Variants in ROBO2 observed in about 807,000 individuals in gnomAD.
ROBO2 encodes roundabout homolog 2.
A neutral mutation model predicts 160.8 loss-of-function variants in ROBO2; 53 were observed. That is an observed-to-expected ratio of 0.33 (90% CI 0.26 to 0.41). ROBO2 has a LOEUF of 0.41. ROBO2 is among the 10% of genes least tolerant of loss of function. ROBO2 has a pLI of 1.00. For missense variants in ROBO2, 1,577 were observed against 1,722.4 expected (o/e 0.92, Z 1.49); for synonymous variants, 664 against 611.7 (o/e 1.09, Z -1.26).
chr3:76,621,569 T>C (rs2089083734), intron 2 of ROBO2, among the ~76,000 whole-genome samples: 1 of 152,206 alleles, frequency 6.6e-6, no homozygotes, highest in Non-Finnish European at 1.5e-5. Flanking sequence ...TGTGAAAACT[T>C]GGACAAATTC....
Position 76,440,250 on chromosome 3 carries a change from AT to A in ROBO2, c.109+502658del, listed in dbSNP as rs927210694. Among the ~76,000 whole-genome samples the A allele has an allele frequency of 1.7e-3, 254 of 149,642 alleles. 1 individual carries two copies. The highest frequency in any genetic ancestry group is 5.7e-3 in the South Asian group (27 of 4,724). On this transcript the variant is annotated intron_variant, in intron 2 of 26. Transcript: ENST00000487694. ...TTAGTAAAAGTACTTTTTTTATTTT[AT>A]TTTTTTTTTATTATTATACATTAAG...
chr3:76,221,168 A>C (rs141097110), intron 2 of ROBO2, among the ~76,000 whole-genome samples: 5 of 152,366 alleles, frequency 3.3e-5, no homozygotes, highest in Non-Finnish European at 7.3e-5. Flanking sequence ...GCATTCCTCC[A>C]TCTAGAACTA....
chr3:77,625,568 G>C (rs1026601159), intron 23 of ROBO2, among the ~76,000 whole-genome samples: 1 of 151,996 alleles, frequency 6.6e-6, no homozygotes, highest in African/African-American at 2.4e-5. Flanking sequence ...AGTAGAGACG[G>C]GGTTTCACCA....
intron 2 of ROBO2, among the ~76,000 whole-genome samples, chr3:76,982,452 C>T (rs1385868381): frequency 6.6e-6 from 1 of 152,154 alleles, no homozygotes; most frequent in Non-Finnish European, 1.5e-5. Context: ...AATGCCATTT[C>T]CACACTGTCT....
chr3:76,397,158 G>A (rs1401600844), intron 2 of ROBO2, among the ~76,000 whole-genome samples: 1 of 152,150 alleles, frequency 6.6e-6, no homozygotes, highest in Non-Finnish European at 1.5e-5. Flanking sequence ...AGAGCCCTCA[G>A]AAGTAACGCC....
chr3:76,521,462 T>C (rs918275775), intron 2 of ROBO2, among the ~76,000 whole-genome samples: 2 of 152,126 alleles, frequency 1.3e-5, no homozygotes, highest in Non-Finnish European at 2.9e-5. Flanking sequence ...ACAGCAGAGA[T>C]GCGGGAGGTA....
chr3:77,210,773 G>T (rs2084034629), intron 2 of ROBO2, among the ~76,000 whole-genome samples: 2 of 143,918 alleles, frequency 1.4e-5, no homozygotes, highest in African/African-American at 2.6e-5. Flanking sequence ...AGTGTGTGAT[G>T]TTCCCCTTCC....
chr3:76,461,034 A>T (rs1221603070), intron 2 of ROBO2, among the ~76,000 whole-genome samples: 1 of 152,220 alleles, frequency 6.6e-6, no homozygotes, highest in African/African-American at 2.4e-5. Context: ...GCTATAAAGA[A>T]ATACCTGAGA....
At chr3:77,354,112 G>A (rs536033321) in intron 2 of ROBO2, among the ~76,000 whole-genome samples, 1 of 152,270 alleles carries the variant, frequency 6.6e-6, no homozygotes, top group East Asian at 1.9e-4. Flanking sequence ...TGAGGATGTT[G>A]TTCTCTGCCT....
chr3:76,806,155 T>A (rs1357662031), intron 2 of ROBO2, among the ~76,000 whole-genome samples: 1 of 151,748 alleles, frequency 6.6e-6, no homozygotes, highest in East Asian at 2.0e-4. Context: ...TTTTCTACGT[T>A]ATTATTTCTT....
intron 2 of ROBO2, among the ~76,000 whole-genome samples, chr3:76,392,125 A>G (rs115616464): frequency 0.033 from 5,014 of 152,234 alleles, 129 homozygotes; most frequent in Non-Finnish European, 0.045. Flanking sequence ...CTTTTTCTGT[A>G]TATATTTATG....
intron 2 of ROBO2, among the ~76,000 whole-genome samples, chr3:77,014,875 G>A (rs1159476592): frequency 6.6e-6 from 1 of 151,910 alleles, no homozygotes; most frequent in Non-Finnish European, 1.5e-5. Context: ...TTGAATAATG[G>A]ATCTTTCTCT....
chr3:77,180,669 G>A (rs1324528930), intron 2 of ROBO2, among the ~76,000 whole-genome samples: 3 of 151,162 alleles, frequency 2.0e-5, no homozygotes, highest in Non-Finnish European at 4.4e-5. Flanking sequence ...GACACATTAG[G>A]GATGTATTAT....
chr3:76,445,277 T>C (rs959226312), intron 2 of ROBO2, among the ~76,000 whole-genome samples: 12 of 152,258 alleles, frequency 7.9e-5, no homozygotes, highest in African/African-American at 2.9e-4. Context: ...CTCCAAATTG[T>C]CAACATTTAA....
At chr3:76,737,645 A>G (rs2093735268) in intron 2 of ROBO2, among the ~76,000 whole-genome samples, 1 of 152,192 alleles carries the variant, frequency 6.6e-6, no homozygotes, top group South Asian at 2.1e-4. Context: ...AAATCTTTGT[A>G]TCTATGAGTT....
chr3:76,367,363 A>C (rs969661549), intron 2 of ROBO2, among the ~76,000 whole-genome samples: 1 of 152,012 alleles, frequency 6.6e-6, no homozygotes, highest in African/African-American at 2.4e-5. Context: ...GGAAAACTTG[A>C]AAATGAAGAT....
intron 2 of ROBO2, among the ~76,000 whole-genome samples, chr3:77,120,417 A>T (rs906242295): frequency 3.3e-5 from 5 of 152,298 alleles, no homozygotes; most frequent in Non-Finnish European, 5.9e-5. Flanking sequence ...CCTGCTCTGG[A>T]TTGATTCATA....
intron 2 of ROBO2, among the ~76,000 whole-genome samples, chr3:76,961,473 G>T (rs144354293): frequency 5.9e-5 from 9 of 151,910 alleles, no homozygotes; most frequent in South Asian, 2.1e-4. Context: ...AATTAACAAA[G>T]CACGCTCATG....
intron 2 of ROBO2, among the ~76,000 whole-genome samples, chr3:76,110,150 A>T (rs1279312812): frequency 6.6e-6 from 1 of 151,912 alleles, no homozygotes; most frequent in Non-Finnish European, 1.5e-5. Context: ...TTGTATTTCA[A>T]TATCAGTTTA....
Sources: allele counts gnomAD v4.1 joint callset (sites outside exome capture counted in the v4.1 genomes callset), GRCh38; gene constraint gnomAD v4.1.1; transcripts MANE v1.5; gene names NCBI Gene and HGNC (gene_info 2026-07-23, HGNC 2026-07-21).